Variants in PCNT observed in about 807,000 individuals in gnomAD.
PCNT encodes pericentrin, also known as kendrin.
PCNT carries 319 observed loss-of-function variants against 380.4 expected under a neutral mutation model. That is an observed-to-expected ratio of 0.84 (90% confidence interval 0.77 to 0.92). PCNT has a LOEUF of 0.92. PCNT is among the 40% of genes least tolerant of loss of function. The probability of loss-of-function intolerance (pLI) is 0.00; values close to 1 mark genes in which losing one functional copy is unlikely to be tolerated. For missense variants in PCNT, 4,400 were observed against 4,255.3 expected, an observed-to-expected ratio of 1.03 and a Z score of -0.95; for synonymous variants, 1,845 against 1,735.2, an observed-to-expected ratio of 1.06 and a Z score of -1.57.
chr21:46,362,743 A>G (rs1291563075), intron 13 of PCNT, among the ~76,000 whole-genome samples: 1 of 152,026 alleles, frequency 6.6e-6, no homozygotes, highest in African/African-American at 2.4e-5. Context: ...CAGGAGTTCA[A>G]GATCAGCCTG....
chr21:46,381,226 GTGTGTGTGTGTGTGTGTGTA>G (rs2085528347), intron 15 of PCNT, among the ~76,000 whole-genome samples: 2 of 121,032 alleles, frequency 1.7e-5, no homozygotes, highest in Admixed American at 8.3e-5. Context: ...GTGTGTGTGT[GTGTGTGTGTGTGTGTGTGTA>G]TAGAATTCAT....
chr21:46,430,348 G>A, intron 36 of PCNT, 116 bp downstream of exon 36: 1 of 1,370,582 alleles, frequency 7.3e-7, no homozygotes, highest in Non-Finnish European at 1.0e-6. Flanking sequence ...AGCCCCAGGG[G>A]CACCGCGCCC....
rs557017632 is a variant in PCNT at position 46,359,233 on chromosome 21, G to A, written c.2154+2042G>A. Among the ~76,000 whole-genome samples, 130 of 148,482 alleles carry A rather than the reference G, an allele frequency of 8.8e-4. 7 individuals carry two copies. The highest frequency in any genetic ancestry group is 2.8e-3 in the South Asian group (13 of 4,726). On this transcript the variant is annotated intron_variant, in intron 13 of 46. Coordinates refer to ENST00000359568, the MANE Select transcript of PCNT (RefSeq NM_006031.6). ...CTCCCAAAGTGTTGGGACTACAGGC[G>A]TGAGCCACCGAACCTGGCTCCAGGT...
At position 46,380,136 on chromosome 21, in the gene PCNT, C is replaced by G. The variant is rs2085468010; in HGVS notation, c.3166-1558C>G. On this transcript the variant is annotated intron_variant, in intron 15 of 46. Transcript: ENST00000359568. ...ACACTGACTGTTTCCAACCGGTGCC[C>G]TGGGGTAGATTTTTTTTTTTTTTTT... Among the ~76,000 whole-genome samples, 3 of 146,084 alleles carry G rather than the reference C, an allele frequency of 2.1e-5. No individual in the cohort carries two copies. In the Admixed American group the frequency reaches 2.1e-4, roughly 10 times the overall value.
At position 46,389,334 on chromosome 21, in the gene PCNT, G is replaced by T; in HGVS notation, c.3743G>T (p.Ser1248Ile). ...GAAAGCTTTCTCATGAGCCCAGAAAGTGTGCGGGAGTGTGAGCAGCCCATC... is the reference window on the plus strand; with the variant it reads ...GAAAGCTTTCTCATGAGCCCAGAAATTGTGCGGGAGTGTGAGCAGCCCATC... ...MRESFLMSPE[S>I]VRECEQPIRR... The change falls in exon 19 of 47, where the codon AGT (serine) becomes ATT (isoleucine). Residue 1248 changes from serine (S) to isoleucine (I), a missense_variant. By Grantham distance (142) the Ser-to-Ile change is moderately radical (BLOSUM62 -2). Transcript: ENST00000359568. The T allele has an allele frequency of 6.8e-6, 11 of 1,614,262 alleles. No homozygotes were observed. The highest frequency in any genetic ancestry group is 1.3e-5 in the African/African-American group (1 of 75,076).
intron 31 of PCNT, among the ~76,000 whole-genome samples, chr21:46,421,267 C>T (rs984639376): frequency 6.6e-6 from 1 of 152,210 alleles, no homozygotes; most frequent in Non-Finnish European, 1.5e-5. Flanking sequence ...GGAGCTTTGT[C>T]CACACGGGGG....
At position 46,423,859 on chromosome 21, in the gene PCNT, A is replaced by G. The variant is rs1164300498; in HGVS notation, c.7179+1735A>G. On this transcript the variant is annotated intron_variant, in intron 32 of 46. Coordinates refer to ENST00000359568, the MANE Select transcript of PCNT (RefSeq NM_006031.6). ...GAGGGGAGAGGGGAGGAGGAGGAAG[A>G]GGAGGAACTGCTGTCCAGGGAGCAC... 2.1e-5 allele frequency among the ~76,000 whole-genome samples: 3 copies of G among 142,234 alleles called. No homozygotes were observed. The East Asian group carries it at 6.3e-4, about 30-fold the overall frequency. The allele number at this position is 142,234 out of a possible 152,430, so 93.3% of individuals were successfully genotyped here. A position where few individuals can be genotyped will look rare whatever the true frequency, so the allele number is the denominator to read the frequency against.
At chr21:46,349,270 C>T (rs574110807) in intron 7 of PCNT, 84 bp downstream of exon 7, 9 of 1,104,762 alleles carry the variant, frequency 8.1e-6, no homozygotes, top group Middle Eastern at 2.0e-4. Flanking sequence ...TGTCACCATG[C>T]GTCATTGCGC....
chr21:46,445,594 CTGT>C lies in PCNT; in HGVS notation c.*271_*273del. 1 of 518,618 alleles carries C rather than the reference CTGT, an allele frequency of 1.9e-6. No individual in the cohort carries two copies. The highest frequency in any genetic ancestry group is 3.4e-6 in the Non-Finnish European group (1 of 290,992). 32.1% of individuals were successfully genotyped at this position (518,618 alleles called of 1,614,324 possible). A position where few individuals can be genotyped will look rare whatever the true frequency, so the allele number is the denominator to read the frequency against. ...CACTCCCATGAGCCCTGGCTGTGTG[CTGT>C]TGTGTGCCTATCGGCAGATCCATCC... On this transcript the variant is annotated 3_prime_UTR_variant, in exon 47 of 47. Coordinates refer to ENST00000359568, the MANE Select transcript of PCNT (RefSeq NM_006031.6).
chr21:46,346,836 G>T lies in PCNT; in HGVS notation c.814G>T (p.Glu272Ter). Residue 272 changes from glutamate to a stop codon, truncating the protein, a stop_gained, in exon 5 of 47, where the codon GAG becomes TAG. Transcript: ENST00000359568. LOFTEE classifies it high-confidence loss of function. ...LELTQANLQKEKETALTELRE... is the reference protein window; with the variant it reads ...LELTQANLQK ...GCTGACACAGGCCAACCTCCAGAAG[G>T]AGAAGGAGACGGCATTGACGGAGCT... is the stretch of plus-strand genomic sequence containing the variant. The T allele has an allele frequency of 6.2e-7, 1 of 1,607,888 alleles. No homozygotes were observed. Among genetic ancestry groups the T allele is most frequent in the Non-Finnish European group, 8.5e-7 (1 of 1,177,772 alleles).
intron 9 of PCNT, among the ~76,000 whole-genome samples, chr21:46,352,406 G>T (rs941584402): frequency 6.6e-6 from 1 of 152,146 alleles, no homozygotes; most frequent in Non-Finnish European, 1.5e-5. Flanking sequence ...AGAAGCTGAG[G>T]GGGCCACAGG....
Position 46,398,043 on chromosome 21 carries a change from C to T in PCNT, c.4476C>T (p.Arg1492=), listed in dbSNP as rs1207865290. The T allele has an allele frequency of 1.2e-5, 19 of 1,593,068 alleles. No homozygotes were observed. The highest frequency in any genetic ancestry group is 1.6e-5 in the Non-Finnish European group (19 of 1,171,114). The change falls in exon 23 of 47, where the codon CGC becomes CGT. Residue 1492 remains arginine, a synonymous_variant. Coordinates refer to ENST00000359568, the MANE Select transcript of PCNT (RefSeq NM_006031.6). ...DEQAAEREHE[R]EEFQQEIQRL... ...AGGCAGCCGAGCGGGAGCACGAGCG[C>T]GAGGAGTTCCAGCAGGAGATTCAGA...
rs564436322 is a variant in PCNT at position 46,440,449 on chromosome 21, G to A, written c.9393+247G>A. 9.4e-4 allele frequency among the ~76,000 whole-genome samples: 143 copies of A among 152,326 alleles called. 1 individual carries two copies. Among genetic ancestry groups the A allele is most frequent in the African/African-American group, 3.2e-3 (133 of 41,582 alleles). Reference sequence around the variant, plus strand: ...GGCTTTGACAAAGTCAGCAAATGGCGGCCTCTGCAGCCTGAGGGAGGCCTG... The same window carrying A: ...GGCTTTGACAAAGTCAGCAAATGGCAGCCTCTGCAGCCTGAGGGAGGCCTG... On this transcript the variant is annotated intron_variant, in intron 42 of 46. Coordinates refer to ENST00000359568, the MANE Select transcript of PCNT (RefSeq NM_006031.6).
At chr21:46,359,352 G>T (rs2084602335) in intron 13 of PCNT, among the ~76,000 whole-genome samples, 1 of 145,060 alleles carries the variant, frequency 6.9e-6, no homozygotes, top group Non-Finnish European at 1.5e-5. Context: ...TTTCTCTCTT[G>T]TTAATTTTAA....
rs1250684216 is a variant in PCNT, at chr21:46,367,848, T to C, written c.3165+709T>C. The stretch of plus-strand genomic sequence containing the variant: ...TTGGTCCCCTCCTTTTATTGATGTT[T>C]CCTGAAATAAAACCCTTTTGCTACA... On this transcript the variant is annotated intron_variant, in intron 15 of 46. Transcript: ENST00000359568. Among the ~76,000 whole-genome samples, 3 of 151,968 alleles carry C rather than the reference T, an allele frequency of 2.0e-5. No homozygotes were observed. The East Asian group carries it at 5.8e-4, about 29-fold the overall frequency.
Position 46,349,045 on chromosome 21 carries a change from T to C in PCNT, c.1066T>C (p.Leu356=), listed in dbSNP as rs1166868703. The change falls in exon 7 of 47, where the codon TTA becomes CTA. Residue 356 remains leucine (L), a synonymous_variant. Coordinates refer to ENST00000359568, the MANE Select transcript of PCNT (RefSeq NM_006031.6). ...LKEDWESEKD[L]CLENLRKELS... ...GGAAGATTGGGAATCTGAAAAAGAT[T>C]TATGTTTAGAAAATCTACGCAAAGA... 6.2e-7 allele frequency: 1 copy of C among 1,606,132 alleles called. No homozygotes were observed. The highest frequency in any genetic ancestry group is 8.5e-7 in the Non-Finnish European group (1 of 1,172,880).
At position 46,346,217 on chromosome 21, in the gene PCNT, G is replaced by A. The variant is rs2146541807; in HGVS notation, c.720+9G>A. ...GCCTGCATCAGAGTCAGGTGACCCGGCGGGGCCTGCACAGGCTCACAGCAT... is the reference window on the plus strand; with the variant it reads ...GCCTGCATCAGAGTCAGGTGACCCGACGGGGCCTGCACAGGCTCACAGCAT... On this transcript the variant is annotated intron_variant, in intron 4 of 46. Transcript: ENST00000359568. 2 of 1,613,270 alleles carry A rather than the reference G, an allele frequency of 1.2e-6. No individual in the cohort carries two copies. Among genetic ancestry groups the A allele is most frequent in the Non-Finnish European group, 1.7e-6 (2 of 1,179,356 alleles).
intron 13 of PCNT, among the ~76,000 whole-genome samples, chr21:46,358,295 A>G (rs113266340): frequency 1.2e-4 from 18 of 152,272 alleles, no homozygotes; most frequent in Middle Eastern, 3.4e-3. Context: ...TTTCATTTCT[A>G]TTTGTGTCCT....
chr21:46,331,455 G>A (rs935231184), intron 2 of PCNT, among the ~76,000 whole-genome samples: 1 of 152,170 alleles, frequency 6.6e-6, no homozygotes, highest in African/African-American at 2.4e-5. Flanking sequence ...AATTTGTTAA[G>A]TGCATGATGG....
Sources: allele counts gnomAD v4.1 joint callset (sites outside exome capture counted in the v4.1 genomes callset), GRCh38; gene constraint gnomAD v4.1.1; transcripts MANE v1.5; gene names NCBI Gene and HGNC (gene_info 2026-07-23, HGNC 2026-07-21).